The following FCRL2 variants were observed in gnomAD, a reference collection of about 807,000 sequenced individuals.
FCRL2 encodes the protein Fc receptor-like protein 2.
In FCRL2, 48 loss-of-function variants were observed where a neutral mutation model predicts 59.8. The observed-to-expected ratio is 0.80, with a 90% CI of 0.64 to 1.02. The LOEUF (loss-of-function observed/expected upper bound fraction) is 1.02, where lower values mean the gene tolerates loss of function less well. FCRL2 is among the 50% of genes least tolerant of loss of function. The pLI is 0.00. For missense variants in FCRL2, 658 were observed against 597.3 expected (o/e 1.10, Z -1.06); for synonymous variants, 251 against 229.5 (o/e 1.09, Z -0.85).
intron 1 of FCRL2, 141 bp from the exon 2 acceptor site, chr1:157,775,936 CA>C: frequency 1.1e-6 from 1 of 907,748 alleles, no homozygotes; most frequent in South Asian, 1.9e-5. Context: ...TTATTACTAA[CA>C]ATTCAATCTC....
chr1:157,746,228 A>G lies in FCRL2; in HGVS notation c.*508T>C, dbSNP rs1209678185. 2 of 154,668 alleles carry G rather than the reference A, an allele frequency of 1.3e-5. No homozygotes were observed. The highest frequency in any genetic ancestry group is 4.8e-5 in the African/African-American group (2 of 41,458). The allele number at this position is 154,668 out of a possible 1,614,324, so 9.6% of individuals were successfully genotyped here. ...AATCAAGGAGGAAGGGCTCCTGCCT[A>G]ACTCATTCTATGAAGCCAGCATCAG... On this transcript the variant is annotated 3_prime_UTR_variant, in exon 12 of 12. Transcript: ENST00000361516.
chr1:157,772,907 G>A (rs1489771142), intron 2 of FCRL2, among the ~76,000 whole-genome samples: 5 of 152,240 alleles, frequency 3.3e-5, no homozygotes, highest in Admixed American at 6.5e-5. Context: ...CTCACCAGAA[G>A]AGTGCCTCAA....
rs1172136661 is a variant in FCRL2 at position 157,766,990 on chromosome 1, G to A, written c.1163-19C>T. On this transcript the variant is annotated intron_variant, in intron 6 of 11. Coordinates refer to ENST00000361516, the MANE Select transcript of FCRL2 (RefSeq NM_030764.4). Reference sequence around the variant, plus strand: ...TCAGGTCCTGAGGAAAGAAAGCAGTGCTTCAGCCCCAGAGGTTTAAGACTT... The same window carrying A: ...TCAGGTCCTGAGGAAAGAAAGCAGTACTTCAGCCCCAGAGGTTTAAGACTT... 6.2e-7 allele frequency: 1 copy of A among 1,601,006 alleles called. No individual in the cohort carries two copies. The highest frequency in any genetic ancestry group is 8.5e-7 in the Non-Finnish European group (1 of 1,171,644).
rs544097585 is a variant in FCRL2, at chr1:157,758,034, G to A, written c.1280-8357C>T. Reference sequence around the variant, plus strand: ...GCATTTTGTTATGCTATCCCAAGAAGACCAACACAGACACCCTACACTGTC... The same window carrying A: ...GCATTTTGTTATGCTATCCCAAGAAAACCAACACAGACACCCTACACTGTC... On this transcript the variant is annotated intron_variant, in intron 7 of 11. Transcript: ENST00000361516. Among the ~76,000 whole-genome samples the A allele has an allele frequency of 7.2e-5, 11 of 152,286 alleles. No individual in the cohort carries two copies. The East Asian group carries it at 1.5e-3, about 21-fold the overall frequency.
At position 157,755,288 on chromosome 1, in the gene FCRL2, T is replaced by C. The variant is rs1178054879; in HGVS notation, c.1280-5611A>G. ...AACTATGTGAACAAAGAGCTCACCA[T>C]AAACAGAAACATAAATCAAAACTAC... On this transcript the variant is annotated intron_variant, in intron 7 of 11. Transcript: ENST00000361516. Among the ~76,000 whole-genome samples the C allele has an allele frequency of 2.0e-5, 3 of 152,094 alleles. No individual in the cohort carries two copies. The East Asian group carries it at 5.8e-4, about 29-fold the overall frequency.
At chr1:157,753,432 A>C (rs112328814) in intron 7 of FCRL2, among the ~76,000 whole-genome samples, 7 of 152,308 alleles carry the variant, frequency 4.6e-5, no homozygotes, top group African/African-American at 1.7e-4. Context: ...AGTTACTTTT[A>C]CTGGTTTATT....
intron 9 of FCRL2, 84 bp from the exon 10 acceptor site, chr1:157,748,702 G>T: frequency 1.6e-6 from 2 of 1,275,884 alleles, no homozygotes; most frequent in Non-Finnish European, 2.3e-6. Flanking sequence ...CTGGCTTAAT[G>T]ATTATATCCT....
rs16839118 is a variant in FCRL2 at position 157,774,366 on chromosome 1, T to C, written c.52+1409A>G. ...CTGCCCAGCCTACATAGCAGGTATA[T>C]AGCAAAGCCATGATTTCAATTTGGT... On this transcript the variant is annotated intron_variant, in intron 2 of 11. Coordinates refer to ENST00000361516, the MANE Select transcript of FCRL2 (RefSeq NM_030764.4). 3,250 of 452,186 alleles carry C rather than the reference T, an allele frequency of 7.2e-3. 81 individuals are homozygous for C. The highest frequency in any genetic ancestry group is 0.058 in the African/African-American group (2,871 of 49,884). The allele number at this position is 452,186 out of a possible 1,614,324, so 28.0% of individuals were successfully genotyped here.
chr1:157,749,785 A>T (rs1648042822), intron 7 of FCRL2, 108 bp from the exon 8 acceptor site: 1 of 731,858 alleles, frequency 1.4e-6, no homozygotes, highest in African/African-American at 1.7e-5. Flanking sequence ...TAAGATATAG[A>T]AGAGTAATCC....
At chr1:157,766,120 T>C (rs998720636) in intron 7 of FCRL2, among the ~76,000 whole-genome samples, 3 of 152,026 alleles carry the variant, frequency 2.0e-5, no homozygotes, top group Non-Finnish European at 4.4e-5. Context: ...GCTCTTTTTA[T>C]AAAAAAGGTG....
At chr1:157,753,850 T>G (rs1163098806) in intron 7 of FCRL2, among the ~76,000 whole-genome samples, 1 of 152,134 alleles carries the variant, frequency 6.6e-6, no homozygotes, top group East Asian at 1.9e-4. Context: ...CACTCAACAC[T>G]CAAGGAATTC....
At chr1:157,769,579 C>T (rs986472293) in intron 4 of FCRL2, 6 of 263,194 alleles carry the variant, frequency 2.3e-5, no homozygotes, top group Non-Finnish European at 4.5e-5. Context: ...AGGCGCCCCC[C>T]ACCAAGCCCA....
In FCRL2 at chr1:157,774,799, C is replaced by G. The variant is rs566341028; in HGVS notation, c.52+976G>C. On this transcript the variant is annotated intron_variant, in intron 2 of 11. Transcript: ENST00000361516. ...GGACCCCTGAATGTCTCCCTGGACA[C>G]TCTTGTTCCATTCAAGGTGACAGCA... Among the ~76,000 whole-genome samples, 55 of 152,296 alleles carry G rather than the reference C, an allele frequency of 3.6e-4. 1 individual carries two copies. The Middle Eastern group carries it at 0.024, about 66-fold the overall frequency.
At chr1:157,760,698 G>GAAGGAAAGAAAGAAATAAA (rs1394581093) in intron 7 of FCRL2, among the ~76,000 whole-genome samples, 3 of 97,286 alleles carry the variant, frequency 3.1e-5, no homozygotes, top group Middle Eastern at 4.8e-3. Context: ...AAAGAAAGAA[G>GAAGGAAAGAAAGAAATAAA]GAAAGAAAGA....
intron 5 of FCRL2, 135 bp downstream of exon 5, chr1:157,768,279 G>C (rs1416021368): frequency 2.4e-6 from 2 of 820,260 alleles, no homozygotes; most frequent in Non-Finnish European, 3.8e-6. Context: ...ACCTGCAAGC[G>C]TAACCCATTT....
At chr1:157,760,084 C>T (rs1344510784) in intron 7 of FCRL2, among the ~76,000 whole-genome samples, 1 of 152,156 alleles carries the variant, frequency 6.6e-6, no homozygotes, top group Non-Finnish European at 1.5e-5. Context: ...AAATGTGTTA[C>T]ATATACACTA....
intron 7 of FCRL2, among the ~76,000 whole-genome samples, chr1:157,762,576 C>A (rs185653605): frequency 1.3e-4 from 20 of 152,154 alleles, no homozygotes; most frequent in Non-Finnish European, 2.5e-4. Context: ...ATTTGGACAT[C>A]CAGATACAAA....
At chr1:157,768,223 C>T in intron 5 of FCRL2, 191 bp downstream of exon 5, 2 of 575,606 alleles carry the variant, frequency 3.5e-6, no homozygotes, top group Non-Finnish European at 6.1e-6. Flanking sequence ...TCGATTACAG[C>T]CCTCTTTATA....
chr1:157,762,419 C>T (rs946820620), intron 7 of FCRL2, among the ~76,000 whole-genome samples: 2 of 152,196 alleles, frequency 1.3e-5, no homozygotes, highest in Admixed American at 1.3e-4. Flanking sequence ...GATTAAGTCA[C>T]TTGGAGGACC....
Sources: gnomAD v4.1 joint callset for allele counts (sites outside exome capture counted in the v4.1 genomes callset) on GRCh38, gnomAD v4.1.1 for gene constraint, MANE v1.5 for transcripts, NCBI Gene and HGNC (gene_info 2026-07-23, HGNC 2026-07-21) for gene names.